Variants in INO80 observed in about 807,000 individuals in gnomAD.
The protein encoded by INO80 is chromatin-remodeling ATPase INO80.
Under a neutral mutation model 203.4 loss-of-function variants are expected in INO80, and 20 were observed. The observed-to-expected ratio is 0.10, with a 90% CI of 0.07 to 0.14. The LOEUF is 0.14. INO80 is among the 10% of genes least tolerant of loss of function. The pLI is 1.00. For synonymous variants in INO80, 726 were observed against 685.2 expected (o/e 1.06, Z -0.93); for missense variants, 1,419 against 1,914.4 (o/e 0.74, Z 4.83).
chr15:41,054,002 C>T lies in INO80; in HGVS notation c.2201G>A (p.Arg734His), dbSNP rs768238241. 5 of 1,613,376 alleles carry T rather than the reference C, an allele frequency of 3.1e-6. No homozygotes were observed. Among genetic ancestry groups the T allele is most frequent in the Non-Finnish European group, 4.2e-6 (5 of 1,179,592 alleles). Residue 734 changes from arginine (R) to histidine (H), a missense_variant, in exon 19 of 36, where the codon CGC becomes CAC. By Grantham distance (29) the Arg-to-His change is conservative. Coordinates refer to ENST00000648947, the MANE Select transcript of INO80 (RefSeq NM_017553.3). ...KSAIDENQLSRLHMILKPFML... is the reference protein window; with the variant it reads ...KSAIDENQLSHLHMILKPFML... ...AAATGGCTTCAAAATCATGTGTAAG[C>T]GAGAAAGTTGATCTGAAATGCCGGG...
At chr15:40,986,972 A>G in intron 31 of INO80, 119 bp downstream of exon 31, 4 of 571,008 alleles carry the variant, frequency 7.0e-6, no homozygotes, top group Non-Finnish European at 9.5e-6. Context: ...ATAAAATATG[A>G]GCACAAAAAT....
At chr15:41,051,894 G>A (rs1364962323) in intron 19 of INO80, among the ~76,000 whole-genome samples, 1 of 152,114 alleles carries the variant, frequency 6.6e-6, no homozygotes, top group East Asian at 1.9e-4. Flanking sequence ...GCAGGCGGAG[G>A]TTGCAGTGAG....
chr15:41,096,158 A>C lies in INO80; in HGVS notation c.143+10T>G. ...TTGGTAAAACATATTGCAAAGATAC[A>C]ATAACATACCTAGAAATATTCCTAT... On this transcript the variant is annotated intron_variant, in intron 2 of 35. Coordinates refer to ENST00000648947, the MANE Select transcript of INO80 (RefSeq NM_017553.3). The C allele has an allele frequency of 6.3e-7, 1 of 1,594,706 alleles. No individual in the cohort carries two copies. Among genetic ancestry groups the C allele is most frequent in the South Asian group, 1.1e-5 (1 of 87,406 alleles).
At chr15:40,996,375 T>C (rs1249563244) in intron 29 of INO80, among the ~76,000 whole-genome samples, 1 of 152,172 alleles carries the variant, frequency 6.6e-6, no homozygotes, top group East Asian at 1.9e-4. Flanking sequence ...CAGAGTGGAG[T>C]GCAGTGGCAT....
At chr15:40,991,217 AT>A (rs2043813122) in intron 29 of INO80, among the ~76,000 whole-genome samples, 1 of 152,210 alleles carries the variant, frequency 6.6e-6, no homozygotes, top group Admixed American at 6.5e-5. Flanking sequence ...TATGGAAGAT[AT>A]TTATCCTTTA....
chr15:41,070,088 G>A (rs985665101), intron 13 of INO80, among the ~76,000 whole-genome samples: 1 of 152,148 alleles, frequency 6.6e-6, no homozygotes, highest in Non-Finnish European at 1.5e-5. Context: ...AAGAGGAAGA[G>A]GAAGAGGAAA....
intron 27 of INO80, among the ~76,000 whole-genome samples, chr15:41,013,623 T>C (rs1485617914): frequency 6.6e-6 from 1 of 152,176 alleles, no homozygotes; most frequent in Non-Finnish European, 1.5e-5. Context: ...AGTACTAATC[T>C]CCTGGAATAC....
intron 28 of INO80, among the ~76,000 whole-genome samples, chr15:41,000,790 A>T (rs1034012071): frequency 2.6e-5 from 4 of 151,836 alleles, no homozygotes; most frequent in Non-Finnish European, 5.9e-5. Context: ...ACAGCCAGAG[A>T]TTAGTTCAGA....
chr15:41,008,759 C>T (rs548157415), intron 27 of INO80, among the ~76,000 whole-genome samples: 2 of 152,218 alleles, frequency 1.3e-5, no homozygotes, highest in Admixed American at 1.3e-4. Flanking sequence ...ATGGGCAGCA[C>T]TTGTACCACC....
At chr15:41,053,191 C>T (rs797017798) in intron 19 of INO80, among the ~76,000 whole-genome samples, 16 of 152,208 alleles carry the variant, frequency 1.1e-4, no homozygotes, top group African/African-American at 3.6e-4. Context: ...CTGCAAGCTC[C>T]GCCTCCCAGA....
intron 5 of INO80, among the ~76,000 whole-genome samples, chr15:41,088,850 T>C (rs2045596382): frequency 6.6e-6 from 1 of 152,136 alleles, no homozygotes; most frequent in South Asian, 2.1e-4. Context: ...CTGATAACTT[T>C]CCTATATGTA....
Position 41,027,750 on chromosome 15 carries a change from A to G in INO80, c.2908-14T>C, listed in dbSNP as rs763380316. On this transcript the variant is annotated splice_polypyrimidine_tract_variant and intron_variant, in intron 24 of 35. Transcript: ENST00000648947. ...GAAAACAAGAGACTGCAAAATAAAA[A>G]TGCAAATGAATGCCAACTATAATTA... 4.5e-6 allele frequency: 7 copies of G among 1,556,364 alleles called. No homozygotes were observed. The highest frequency in any genetic ancestry group is 3.4e-4 in the Middle Eastern group (2 of 5,800).
At chr15:41,090,493 T>G (rs868590337) in intron 5 of INO80, among the ~76,000 whole-genome samples, 2 of 152,116 alleles carry the variant, frequency 1.3e-5, no homozygotes, top group Admixed American at 6.6e-5. Flanking sequence ...GGAGAATCGC[T>G]TGACCCTGGG....
chr15:41,085,647 G>A (rs2045552327), intron 6 of INO80, 64 bp from the exon 7 acceptor site: 3 of 1,280,450 alleles, frequency 2.3e-6, no homozygotes, highest in African/African-American at 1.5e-5. Flanking sequence ...GCAACCTCAT[G>A]ACTTAAAACA....
intron 17 of INO80, among the ~76,000 whole-genome samples, chr15:41,055,945 G>GTTT (rs5812185): frequency 7.9e-4 from 102 of 128,550 alleles, no homozygotes; most frequent in Middle Eastern, 4.1e-3. Flanking sequence ...TCTTCTTTTG[G>GTTT]TTTTTTTTTT....
intron 31 of INO80, among the ~76,000 whole-genome samples, chr15:40,985,765 C>A (rs557248837): frequency 6.6e-6 from 1 of 152,176 alleles, no homozygotes; most frequent in East Asian, 1.9e-4. Flanking sequence ...AAAAATTAGC[C>A]AGGCACAGTG....
chr15:41,079,020 T>C (rs748621955), intron 9 of INO80, among the ~76,000 whole-genome samples: 5 of 152,154 alleles, frequency 3.3e-5, no homozygotes, highest in African/African-American at 4.8e-5. Context: ...TGGGTGCCTA[T>C]AGTCCCAGCT....
Position 40,982,946 on chromosome 15 carries a change from C to A in INO80, c.4369G>T (p.Ala1457Ser). 1 of 1,614,210 alleles carries A rather than the reference C, an allele frequency of 6.2e-7. No individual in the cohort carries two copies. The highest frequency in any genetic ancestry group is 8.5e-7 in the Non-Finnish European group (1 of 1,180,050). Reference sequence around the variant, plus strand: ...GCTTTGGCTCCTGCCATTGCAGCAGCACTGCCTGCCGTGGACTTTCGGCTC... The same window carrying A: ...GCTTTGGCTCCTGCCATTGCAGCAGAACTGCCTGCCGTGGACTTTCGGCTC... ...GRSRKSTAGS[A>S]AAMAGAKAGA... Residue 1457 changes from alanine (A) to serine (S), a missense_variant, in exon 35 of 36, where the codon GCT becomes TCT. Ala to Ser is a moderately conservative substitution (Grantham distance 99). Coordinates refer to ENST00000648947, the MANE Select transcript of INO80 (RefSeq NM_017553.3).
At chr15:41,029,753 A>AGTG (rs1358212882) in intron 24 of INO80, among the ~76,000 whole-genome samples, 6 of 152,234 alleles carry the variant, frequency 3.9e-5, no homozygotes, top group Admixed American at 3.3e-4. Context: ...TTAGCAGGCT[A>AGTG]GGTGTCAGAC....
Sources: gnomAD v4.1 joint callset for allele counts (sites outside exome capture counted in the v4.1 genomes callset) on GRCh38, gnomAD v4.1.1 for gene constraint, MANE v1.5 for transcripts, NCBI Gene and HGNC (gene_info 2026-07-23, HGNC 2026-07-21) for gene names.